The following ADAMTSL1 variants were observed in gnomAD, a reference collection of about 807,000 sequenced individuals.
The protein encoded by ADAMTSL1 is ADAMTS like 1.
Under a neutral mutation model 201.8 loss-of-function variants are expected in ADAMTSL1, and 126 were observed. The observed-to-expected ratio is 0.62, with a 90% CI of 0.54 to 0.72. The LOEUF is 0.72. ADAMTSL1 is among the 30% of genes least tolerant of loss of function. The pLI, the probability that ADAMTSL1 is intolerant of heterozygous loss-of-function variation, is 0.00. For synonymous variants in ADAMTSL1, 1,121 were observed against 903.4 expected (o/e 1.24, Z -4.32); for missense variants, 2,679 against 2,277.8 (o/e 1.18, Z -3.59).
intron 1 of ADAMTSL1, among the ~76,000 whole-genome samples, chr9:18,055,523 A>G (rs927216655): frequency 1.8e-4 from 27 of 152,236 alleles, no homozygotes; most frequent in African/African-American, 6.0e-4. Flanking sequence ...TTGAATGTCA[A>G]TACATTAAAT....
chr9:18,097,319 A>G (rs569342027), intron 1 of ADAMTSL1, among the ~76,000 whole-genome samples: 1 of 152,308 alleles, frequency 6.6e-6, no homozygotes, highest in African/African-American at 2.4e-5. Context: ...TTTGATAGAT[A>G]TTTGTGTTTC....
At chr9:17,941,369 T>C (rs1827231654) in intron 1 of ADAMTSL1, among the ~76,000 whole-genome samples, 1 of 152,158 alleles carries the variant, frequency 6.6e-6, no homozygotes, top group Non-Finnish European at 1.5e-5. Context: ...GTGATGTAGT[T>C]AGCCAGTGTT....
At chr9:18,414,603 T>C (rs1309068727) in intron 2 of ADAMTSL1, among the ~76,000 whole-genome samples, 1 of 152,172 alleles carries the variant, frequency 6.6e-6, no homozygotes, top group Non-Finnish European at 1.5e-5. Flanking sequence ...TCTAACTTAC[T>C]TCCTTGAGAG....
At position 18,537,892 on chromosome 9, in the gene ADAMTSL1, A is replaced by C. The variant is rs1466906680; in HGVS notation, c.237+4600A>C. On this transcript the variant is annotated intron_variant, in intron 3 of 28. Transcript: ENST00000380548. ...TTGTCTCTATTTAAAAAAAAAAAAA[A>C]AGAAGAAAGAAGAAGAAGAAGAAGA... is the stretch of plus-strand genomic sequence containing the variant. Among the ~76,000 whole-genome samples, 3 of 147,740 alleles carry C rather than the reference A, an allele frequency of 2.0e-5. No homozygotes were observed. The East Asian group carries it at 5.9e-4, about 29-fold the overall frequency.
chr9:18,561,402 A>C (rs937992864), intron 3 of ADAMTSL1, among the ~76,000 whole-genome samples: 3 of 150,828 alleles, frequency 2.0e-5, no homozygotes, highest in African/African-American at 7.3e-5. Flanking sequence ...AGAGACTGTT[A>C]AGATTTCTGT....
rs199579016 is a variant in ADAMTSL1 at position 17,924,150 on chromosome 9, T to A, written c.87+17228T>A. Among the ~76,000 whole-genome samples, 1,317 of 149,986 alleles carry A rather than the reference T, an allele frequency of 8.8e-3. 14 individuals carry two copies. Among genetic ancestry groups the A allele is most frequent in the African/African-American group, 0.03 (1,189 of 40,024 alleles). The stretch of plus-strand genomic sequence containing the variant: ...TGATGCTGGCCTCATAAAATGAGTT[T>A]GGGAGGATTCCCTCTTTTTCTATTG... On this transcript the variant is annotated intron_variant, in intron 1 of 29. Coordinates refer to the ADAMTSL1 transcript ENST00000680146.
At chr9:18,891,130 C>T (rs1338244650) in intron 25 of ADAMTSL1, among the ~76,000 whole-genome samples, 2 of 126,606 alleles carry the variant, frequency 1.6e-5, no homozygotes, top group East Asian at 1.9e-4. Context: ...GAATTTGCTC[C>T]CCTTCCCTGC....
At chr9:18,581,579 A>G (rs1438423726) in intron 4 of ADAMTSL1, among the ~76,000 whole-genome samples, 2 of 152,182 alleles carry the variant, frequency 1.3e-5, no homozygotes, top group African/African-American at 2.4e-5. Context: ...TGAATCAGCT[A>G]TGGGTGAGAC....
At chr9:17,972,259 T>C (rs1254007963) in intron 1 of ADAMTSL1, among the ~76,000 whole-genome samples, 1 of 137,614 alleles carries the variant, frequency 7.3e-6, no homozygotes, top group African/African-American at 2.7e-5. Flanking sequence ...GTGTGCTGCA[T>C]CCATTAACTC....
intron 4 of ADAMTSL1, 32 bp downstream of exon 4, chr9:18,574,298 C>T (rs1481633372): frequency 6.4e-7 from 1 of 1,567,864 alleles, no homozygotes; most frequent in East Asian, 2.2e-5. Flanking sequence ...TTCAACTTGT[C>T]CAGAGGGTTT....
chr9:18,629,436 T>C (rs1826603013), intron 5 of ADAMTSL1, among the ~76,000 whole-genome samples: 1 of 152,198 alleles, frequency 6.6e-6, no homozygotes, highest in African/African-American at 2.4e-5. Context: ...CCTGGTTTGC[T>C]GAGAGTTAAT....
chr9:18,096,550 T>C (rs933805057), intron 1 of ADAMTSL1, among the ~76,000 whole-genome samples: 2 of 152,156 alleles, frequency 1.3e-5, no homozygotes, highest in African/African-American at 2.4e-5. Flanking sequence ...ACTTCAGATG[T>C]TTTGGTTACG....
At chr9:18,213,155 C>A (rs951572830) in intron 2 of ADAMTSL1, among the ~76,000 whole-genome samples, 3 of 152,322 alleles carry the variant, frequency 2.0e-5, no homozygotes, top group South Asian at 4.1e-4. Context: ...AAGCTACAAG[C>A]TCTGCTCTTC....
chr9:18,438,769 G>T (rs1221318905), intron 2 of ADAMTSL1, among the ~76,000 whole-genome samples: 2 of 152,086 alleles, frequency 1.3e-5, no homozygotes, highest in Non-Finnish European at 2.9e-5. Flanking sequence ...CAGACGAGCC[G>T]GCGCAGAGTC....
chr9:18,770,829 G>C, intron 17 of ADAMTSL1, 48 bp downstream of exon 17: 1 of 1,579,284 alleles, frequency 6.3e-7, no homozygotes, highest in Non-Finnish European at 8.7e-7. Context: ...AGTAGGAAAA[G>C]AAGGCACCCC....
At chr9:18,680,104 T>C (rs1166594038) in intron 10 of ADAMTSL1, among the ~76,000 whole-genome samples, 3 of 152,238 alleles carry the variant, frequency 2.0e-5, no homozygotes, top group African/African-American at 7.2e-5. Context: ...TGTATAGAGC[T>C]TCACGGTTTG....
chr9:18,475,572 T>A (rs749300964), intron 1 of ADAMTSL1, among the ~76,000 whole-genome samples: 1 of 152,162 alleles, frequency 6.6e-6, no homozygotes, highest in Non-Finnish European at 1.5e-5. Flanking sequence ...AAAGGTAAAC[T>A]ACATTTCAAG....
chr9:18,650,768 G>A (rs13287935), intron 7 of ADAMTSL1, among the ~76,000 whole-genome samples: 18,707 of 152,028 alleles, frequency 0.12, 1,368 homozygotes, highest in Non-Finnish European at 0.17. Flanking sequence ...AACTTGTTCC[G>A]TTGGCTCTAC....
intron 2 of ADAMTSL1, among the ~76,000 whole-genome samples, chr9:18,202,195 A>G (rs1829476431): frequency 6.6e-6 from 1 of 152,186 alleles, no homozygotes; most frequent in Non-Finnish European, 1.5e-5. Flanking sequence ...GTAAAGTCAG[A>G]AAGAACTGGA....
Sources: gnomAD v4.1 joint callset for allele counts (sites outside exome capture counted in the v4.1 genomes callset) on GRCh38, gnomAD v4.1.1 for gene constraint, MANE v1.5 for transcripts, NCBI Gene and HGNC (gene_info 2026-07-23, HGNC 2026-07-21) for gene names.